Variants in DDX27 observed in about 807,000 individuals in gnomAD.
DDX27 encodes DEAD-box helicase 27.
In DDX27, 42 loss-of-function variants were observed where a neutral mutation model predicts 99.3. That is an observed-to-expected ratio of 0.42 (90% CI 0.33 to 0.55). The LOEUF is 0.55. DDX27 is among the 20% of genes least tolerant of loss of function. DDX27 has a pLI of 0.07. For synonymous variants in DDX27, 329 were observed against 353.8 expected (o/e 0.93, Z 0.79); for missense variants, 798 against 976.8 (o/e 0.82, Z 2.44).
chr20:49,226,577 G>A (rs768796269), intron 7 of DDX27, 42 bp downstream of exon 7: 25 of 1,478,510 alleles, frequency 1.7e-5, no homozygotes, highest in Admixed American at 1.2e-4. Flanking sequence ...AGGGTGTTAC[G>A]GCCAGGGCTG....
At chr20:49,241,054 CATTTGTCAT>C (rs1980461061) in intron 16 of DDX27, among the ~76,000 whole-genome samples, 1 of 152,174 alleles carries the variant, frequency 6.6e-6, no homozygotes, top group Non-Finnish European at 1.5e-5. Context: ...AAAAAATAAT[CATTTGTCAT>C]TACAAACAAG....
chr20:49,240,281 G>C lies in DDX27; in HGVS notation c.1897+943G>C, dbSNP rs981128972. ...CCACAATAAAAATAATTTTAAAAAAGTTAGGAGATATTTAATACAGATTTC... is the reference window on the plus strand; with the variant it reads ...CCACAATAAAAATAATTTTAAAAAACTTAGGAGATATTTAATACAGATTTC... On this transcript the variant is annotated intron_variant, in intron 16 of 20. Coordinates refer to ENST00000618172, the MANE Select transcript of DDX27 (RefSeq NM_017895.8). Among the ~76,000 whole-genome samples the C allele has an allele frequency of 2.0e-5, 3 of 152,068 alleles. No homozygotes were observed. In the East Asian group the frequency reaches 5.8e-4, roughly 29 times the overall value.
chr20:49,224,966 GGAAGAA>G lies in DDX27; in HGVS notation c.501_506del (p.Lys168_Lys169del), dbSNP rs550509569. 1.0e-4 allele frequency: 163 copies of G among 1,613,900 alleles called. 1 individual carries two copies. In the South Asian group the frequency reaches 1.5e-3, roughly 14 times the overall value. On this transcript the variant is annotated inframe_deletion, in exon 5 of 21. Coordinates refer to ENST00000618172, the MANE Select transcript of DDX27 (RefSeq NM_017895.8). Reference sequence around the variant, plus strand: ...ATAGATACACTCAAAGTAAAGGATCGGAAGAAGAAGAAGAAGAAAGGACAGGTGAGC... The same window carrying G: ...ATAGATACACTCAAAGTAAAGGATCGGAAGAAGAAGAAAGGACAGGTGAGC...
At chr20:49,239,498 G>A (rs1374583248) in intron 16 of DDX27, among the ~76,000 whole-genome samples, 160 bp downstream of exon 16, 2 of 152,040 alleles carry the variant, frequency 1.3e-5, no homozygotes, top group African/African-American at 4.8e-5. Context: ...GGGGTGTGGG[G>A]GTTGCATTAG....
chr20:49,222,892 A>C lies in DDX27; in HGVS notation c.241-65A>C, dbSNP rs557209792. 5.1e-6 allele frequency: 7 copies of C among 1,375,388 alleles called. No homozygotes were observed. The African/African-American group carries it at 1.0e-4, about 20-fold the overall frequency. 85.2% of individuals were successfully genotyped at this position (1,375,388 alleles called of 1,614,324 possible). ...TTTCTTTTTCAAGTTAATTATGAAG[A>C]GTTTGTTCTCTTATTCGATGTTTCA... is the stretch of plus-strand genomic sequence containing the variant. On this transcript the variant is annotated intron_variant, in intron 2 of 20. Coordinates refer to ENST00000618172, the MANE Select transcript of DDX27 (RefSeq NM_017895.8).
chr20:49,230,609 T>C (rs238170), intron 9 of DDX27, among the ~76,000 whole-genome samples: 119,797 of 152,220 alleles, frequency 0.79, 47,461 homozygotes, highest in Middle Eastern at 0.84. Flanking sequence ...GATTTGGAAA[T>C]ATTTAGATTC....
chr20:49,241,478 CTTTTT>C (rs1054923350), intron 16 of DDX27, among the ~76,000 whole-genome samples: 6 of 141,858 alleles, frequency 4.2e-5, no homozygotes, highest in African/African-American at 1.5e-4. Context: ...CTTTTCTTTT[CTTTTT>C]TTTTTTTGAG....
At chr20:49,229,123 C>T (rs962916537) in intron 8 of DDX27, among the ~76,000 whole-genome samples, 8 of 151,338 alleles carry the variant, frequency 5.3e-5, no homozygotes, top group African/African-American at 9.7e-5. Flanking sequence ...CTGCAAGCTC[C>T]GCCTCCCGGG....
Position 49,235,232 on chromosome 20 carries a change from C to A in DDX27, c.1427+144C>A, listed in dbSNP as rs1980263742. 9 of 887,922 alleles carry A rather than the reference C, an allele frequency of 1.0e-5. 1 individual carries two copies. The South Asian group carries it at 1.6e-4, about 16-fold the overall frequency. 55.0% of individuals were successfully genotyped at this position (887,922 alleles called of 1,614,324 possible). A position where few individuals can be genotyped will look rare whatever the true frequency, so the allele number is the denominator to read the frequency against. On this transcript the variant is annotated intron_variant, in intron 12 of 20. Coordinates refer to ENST00000618172, the MANE Select transcript of DDX27 (RefSeq NM_017895.8). Reference sequence around the variant, plus strand: ...TTGGCCTTGAACATTTTAACCTAACCACTGTGAGGTCATGTCTTAGATGTG... The same window carrying A: ...TTGGCCTTGAACATTTTAACCTAACAACTGTGAGGTCATGTCTTAGATGTG...
chr20:49,234,888 A>C (rs771879647), intron 11 of DDX27, 47 bp from the exon 12 acceptor site: 2 of 1,543,360 alleles, frequency 1.3e-6, no homozygotes, highest in Non-Finnish European at 1.8e-6. Context: ...TACATGTTGA[A>C]TAAGAGCCTA....
chr20:49,233,912 C>G, intron 11 of DDX27: 1 of 569,740 alleles, frequency 1.8e-6, no homozygotes, highest in South Asian at 2.3e-5. Context: ...CACCAATCCT[C>G]TTTGTGTCCT....
intron 8 of DDX27, 100 bp downstream of exon 8, chr20:49,228,988 A>T: frequency 9.7e-7 from 1 of 1,026,474 alleles, no homozygotes; most frequent in Non-Finnish European, 1.3e-6. Context: ...AGGTGCCAGG[A>T]GAGGCCTTTG....
Position 49,236,223 on chromosome 20 carries a change from G to A in DDX27, c.1501G>A (p.Val501Ile), listed in dbSNP as rs1980302207. ...VAARGLDIEG[V>I]KTVINFTMPN... ...AGCCCGTGGACTTGACATTGAGGGG[G>A]TCAAAACGGTGAGCAGACACTATCT... Residue 501 changes from valine to isoleucine, a missense_variant, in exon 13 of 21, where the codon GTC (valine) becomes ATC (isoleucine). Physicochemically the swap from Val to Ile is conservative, Grantham distance 29 (BLOSUM62 3). This residue lies in a region of DDX27 where 553 missense variants were observed against 727.9 expected (regional missense o/e 0.76). Coordinates refer to ENST00000618172, the MANE Select transcript of DDX27 (RefSeq NM_017895.8). This position sits in a 1 kb window ranked among gnomAD's most constrained non-coding sequence, Gnocchi z 4.1. The A allele has an allele frequency of 6.2e-7, 1 of 1,607,520 alleles. No homozygotes were observed. The highest frequency in any genetic ancestry group is 8.5e-7 in the Non-Finnish European group (1 of 1,176,958).
At chr20:49,223,533 T>A in intron 4 of DDX27, 100 bp downstream of exon 4, 1 of 1,166,612 alleles carries the variant, frequency 8.6e-7, no homozygotes, top group Non-Finnish European at 1.2e-6. Context: ...ACAGTTTATC[T>A]TTAAGCTGTT....
At chr20:49,229,027 A>G in intron 8 of DDX27, 139 bp downstream of exon 8, 1 of 623,852 alleles carries the variant, frequency 1.6e-6, no homozygotes, top group Non-Finnish European at 2.3e-6. Context: ...AAAAACTGGA[A>G]GACTTTTTTT....
chr20:49,219,721 G>T (rs1365779506), intron 1 of DDX27, among the ~76,000 whole-genome samples, 180 bp downstream of exon 1: 1 of 152,026 alleles, frequency 6.6e-6, no homozygotes, highest in Admixed American at 6.6e-5. Flanking sequence ...CTCTACGTCC[G>T]CCTGCTTCTT....
At chr20:49,237,741 A>G (rs1980351761) in intron 14 of DDX27, among the ~76,000 whole-genome samples, 1 of 152,220 alleles carries the variant, frequency 6.6e-6, no homozygotes, top group South Asian at 2.1e-4. Flanking sequence ...TGAGGCAGCC[A>G]TGAGAGGTCT....
At chr20:49,240,962 C>CTAA (rs1980458004) in intron 16 of DDX27, among the ~76,000 whole-genome samples, 1 of 152,042 alleles carries the variant, frequency 6.6e-6, no homozygotes, top group Non-Finnish European at 1.5e-5. Flanking sequence ...TTGCAGTGAG[C>CTAA]TAAGATTCTG....
At chr20:49,239,112 A>T in intron 15 of DDX27, 57 bp downstream of exon 15, 1 of 1,539,108 alleles carries the variant, frequency 6.5e-7, no homozygotes, top group Non-Finnish European at 9.0e-7. Context: ...AAGCTGCTGC[A>T]TCCCTGCTGG....
Sources: gnomAD v4.1 joint callset for allele counts (sites outside exome capture counted in the v4.1 genomes callset) on GRCh38, gnomAD v4.1.1 for gene constraint, gnomAD v4.1.1 regional missense constraint, Gnocchi (gnomAD v3.1) non-coding constraint, MANE v1.5 for transcripts, NCBI Gene and HGNC (gene_info 2026-07-23, HGNC 2026-07-21) for gene names.